MCPH1: variants seen among roughly 807,000 people sequenced by gnomAD.
MCPH1 encodes microcephalin.
In MCPH1, 104 loss-of-function variants were observed where a neutral mutation model predicts 84.5. That is an observed-to-expected ratio of 1.23 (90% confidence interval 1.05 to 1.45). The LOEUF (loss-of-function observed/expected upper bound fraction) is 1.45, where lower values mean the gene tolerates loss of function less well. Ranked by LOEUF, MCPH1 falls within the 40% of genes most tolerant of loss-of-function variation. MCPH1 has a pLI of 0.00. For synonymous variants in MCPH1, 514 were observed against 366.8 expected (o/e 1.40, Z -4.58); for missense variants, 1,498 against 1,005.7 (o/e 1.49, Z -6.62).
chr8:6,443,534 T>G (rs926725758), intron 7 of MCPH1, among the ~76,000 whole-genome samples: 2 of 152,194 alleles, frequency 1.3e-5, no homozygotes, highest in African/African-American at 2.4e-5. Context: ...ACACAGGCCC[T>G]CCACCAGCAA....
intron 12 of MCPH1, among the ~76,000 whole-genome samples, chr8:6,535,165 A>AT (rs1405977129): frequency 6.6e-6 from 1 of 152,212 alleles, no homozygotes; most frequent in Non-Finnish European, 1.5e-5. Flanking sequence ...CTAAATAAAA[A>AT]TTATTGTATT....
intron 12 of MCPH1, among the ~76,000 whole-genome samples, chr8:6,553,398 G>C (rs1824015195): frequency 6.6e-6 from 1 of 152,130 alleles, no homozygotes; most frequent in Admixed American, 6.6e-5. Context: ...TCTTCTGATG[G>C]TTACATAGTT....
rs750637334 is a variant in MCPH1 at position 6,539,994 on chromosome 8, C to G, written c.2214+40065C>G. ...AAGTTCACTTTTGGCCACTATATAA[C>G]TCCAAGATGTATTAGGAAATAAGTT... On this transcript the variant is annotated intron_variant, in intron 12 of 13. Coordinates refer to ENST00000344683, the MANE Select transcript of MCPH1 (RefSeq NM_024596.5). Among the ~76,000 whole-genome samples, 10 of 152,182 alleles carry G rather than the reference C, an allele frequency of 6.6e-5. 1 individual carries two copies. The highest frequency in any genetic ancestry group is 1.5e-4 in the Non-Finnish European group (10 of 68,042).
intron 9 of MCPH1, among the ~76,000 whole-genome samples, chr8:6,459,264 C>G (rs1452365294): frequency 6.8e-6 from 1 of 147,150 alleles, no homozygotes; most frequent in Non-Finnish European, 1.5e-5. Context: ...AAATTTGGAA[C>G]TTAACACGGC....
At chr8:6,587,155 A>G (rs1828059333) in intron 12 of MCPH1, among the ~76,000 whole-genome samples, 1 of 152,176 alleles carries the variant, frequency 6.6e-6, no homozygotes, top group Non-Finnish European at 1.5e-5. Context: ...TGAATTATAT[A>G]GACCAGAAGG....
chr8:6,557,307 G>A (rs1824784044), intron 12 of MCPH1, among the ~76,000 whole-genome samples: 1 of 151,996 alleles, frequency 6.6e-6, no homozygotes, highest in Non-Finnish European at 1.5e-5. Context: ...AAATATACAG[G>A]CTTGCATCCA....
Position 6,520,131 on chromosome 8 carries a change from T to G in MCPH1, c.2214+20202T>G, listed in dbSNP as rs1817035350. The G allele has an allele frequency of 4.3e-6, 4 of 933,336 alleles. No individual in the cohort carries two copies. The East Asian group carries it at 1.0e-4, about 24-fold the overall frequency. The allele number at this position is 933,336 out of a possible 1,614,324, so 57.8% of individuals were successfully genotyped here. A position where few individuals can be genotyped will look rare whatever the true frequency, so the allele number is the denominator to read the frequency against. On this transcript the variant is annotated intron_variant, in intron 12 of 13. Coordinates refer to ENST00000344683, the MANE Select transcript of MCPH1 (RefSeq NM_024596.5). ...AAAAGGCTGTACCACTTTTTTAACC[T>G]TTCTAGAAAGTTTCCTTTCAGCCTG...
chr8:6,501,738 G>A (rs1812233636), intron 12 of MCPH1: 4 of 151,854 alleles, frequency 2.6e-5, no homozygotes, highest in Admixed American at 6.6e-5. Flanking sequence ...GTATTATTTA[G>A]TAGAGACAGG....
intron 12 of MCPH1, among the ~76,000 whole-genome samples, chr8:6,542,932 A>G (rs948293757): frequency 1.3e-5 from 2 of 152,198 alleles, no homozygotes; most frequent in African/African-American, 4.8e-5. Flanking sequence ...TTTTCCAGGC[A>G]AACTAGTTTT....
intron 12 of MCPH1, chr8:6,500,743 A>C (rs1750983171): frequency 6.6e-6 from 1 of 152,190 alleles, no homozygotes. Context: ...TCTCAGCAAA[A>C]CTGTTTGTTT....
At chr8:6,494,162 C>G (rs1810979223) in intron 11 of MCPH1, 1 of 152,078 alleles carries the variant, frequency 6.6e-6, no homozygotes, top group African/African-American at 2.4e-5. Context: ...TGGTCTCAAA[C>G]TCCTGACCTC....
chr8:6,574,126 A>G (rs1185539984), intron 12 of MCPH1, among the ~76,000 whole-genome samples: 1 of 152,204 alleles, frequency 6.6e-6, no homozygotes, highest in East Asian at 1.9e-4. Context: ...CCAGCCAAAA[A>G]CATCTATCCC....
intron 12 of MCPH1, among the ~76,000 whole-genome samples, chr8:6,577,143 C>T (rs892202564): frequency 6.6e-6 from 1 of 152,204 alleles, no homozygotes; most frequent in African/African-American, 2.4e-5. Context: ...AACCTGCTCT[C>T]AGCCCCGGGC....
At chr8:6,529,821 C>G (rs1055059331) in intron 12 of MCPH1, among the ~76,000 whole-genome samples, 1 of 151,490 alleles carries the variant, frequency 6.6e-6, no homozygotes, top group Non-Finnish European at 1.5e-5. Flanking sequence ...TGCTTACTTT[C>G]CATCTGTTTT....
chr8:6,625,943 TTTATTA>T, intron 13 of MCPH1: 2 of 985,018 alleles, frequency 2.0e-6, no homozygotes, highest in South Asian at 4.7e-5. Flanking sequence ...TTTTCCTTTC[TTTATTA>T]TTATTAGTAT....
In MCPH1 at chr8:6,577,168, T is replaced by C. The variant is rs138526816; in HGVS notation, c.2215-44286T>C. On this transcript the variant is annotated intron_variant, in intron 12 of 13. Coordinates refer to ENST00000344683, the MANE Select transcript of MCPH1 (RefSeq NM_024596.5). ...CAGCCCCGGGCAAAGGGAATCTCGT[T>C]AATCCAGGTGGCCAGCGCCTCTTCC... 1.0e-3 allele frequency among the ~76,000 whole-genome samples: 159 copies of C among 152,314 alleles called. 1 individual carries two copies. The highest frequency in any genetic ancestry group is 3.7e-3 in the African/African-American group (152 of 41,574).
intron 12 of MCPH1, among the ~76,000 whole-genome samples, chr8:6,613,086 G>T (rs912162968): frequency 6.6e-6 from 1 of 152,188 alleles, no homozygotes; most frequent in African/African-American, 2.4e-5. Context: ...TCCATATGGG[G>T]GTTCCTCTCC....
chr8:6,409,346 A>C lies in MCPH1; in HGVS notation c.90A>C (p.Thr30=). The C allele has an allele frequency of 6.2e-7, 1 of 1,613,876 alleles. No individual in the cohort carries two copies. The highest frequency in any genetic ancestry group is 1.3e-5 in the African/African-American group (1 of 75,020). Residue 30 remains threonine (T), a synonymous_variant, in exon 2 of 14, where the codon ACA becomes ACC. Transcript: ENST00000344683. ...GTENYSKTFT[T]QLVDMGAKVS... ...AAAATTATTCAAAGACATTTACAAC[A>C]CAGCTTGTGGATATGGGGGCAAAGG...
rs904402313 is a variant in MCPH1 at position 6,645,831 on chromosome 8, C to A, written c.*2782C>A. 6.6e-6 allele frequency: 1 copy of A among 152,090 alleles called. No individual in the cohort carries two copies. Among genetic ancestry groups the A allele is most frequent in the Non-Finnish European group, 1.5e-5 (1 of 68,014 alleles). The allele number at this position is 152,090 out of a possible 1,614,324, so 9.4% of individuals were successfully genotyped here. Reference sequence around the variant, plus strand: ...ATAGACTTGGCAACAGTTGTAACATCTGTATACTGAAACCTGTAAAACATT... The same window carrying A: ...ATAGACTTGGCAACAGTTGTAACATATGTATACTGAAACCTGTAAAACATT... On this transcript the variant is annotated 3_prime_UTR_variant, in exon 14 of 14. Transcript: ENST00000344683.
Sources: allele counts gnomAD v4.1 joint callset (sites outside exome capture counted in the v4.1 genomes callset), GRCh38; gene constraint gnomAD v4.1.1; transcripts MANE v1.5; gene names NCBI Gene and HGNC (gene_info 2026-07-23, HGNC 2026-07-21).